Variants in FOXN2 observed in about 807,000 individuals in gnomAD.
FOXN2 encodes forkhead box protein N2.
FOXN2 carries 19 observed loss-of-function variants against 41.2 expected under a neutral mutation model. The observed-to-expected ratio is 0.46, with a 90% confidence interval of 0.32 to 0.68. The LOEUF (loss-of-function observed/expected upper bound fraction) is 0.68, where lower values mean the gene tolerates loss of function less well. Ranked by LOEUF, FOXN2 falls within the 30% of genes least tolerant of loss-of-function variation. FOXN2 has a pLI of 0.03. For synonymous variants in FOXN2, 195 were observed against 176.8 expected, an observed-to-expected ratio of 1.10 and a Z score of -0.82; for missense variants, 587 against 509.4, an observed-to-expected ratio of 1.15 and a Z score of -1.47.
intron 3 of FOXN2, among the ~76,000 whole-genome samples, chr2:48,350,743 C>T (rs1174082666): frequency 1.3e-5 from 2 of 152,152 alleles, no homozygotes; most frequent in East Asian, 1.9e-4. Flanking sequence ...CAGATGGAGG[C>T]CAGTGGAAAA....
At chr2:48,374,833 G>T in intron 6 of FOXN2, 87 bp from the exon 7 acceptor site, 1 of 1,082,584 alleles carries the variant, frequency 9.2e-7, no homozygotes. Flanking sequence ...AACATTTGTT[G>T]CTCAAGAGTA....
intron 1 of FOXN2, among the ~76,000 whole-genome samples, chr2:48,315,226 C>G (rs1291022944): frequency 6.6e-6 from 1 of 152,126 alleles, no homozygotes; most frequent in Non-Finnish European, 1.5e-5. Flanking sequence ...AGGGAAGTAC[C>G]CCAAGCACCT....
chr2:48,336,323 G>C (rs1356880460), intron 2 of FOXN2, among the ~76,000 whole-genome samples: 1 of 151,054 alleles, frequency 6.6e-6, no homozygotes, highest in Non-Finnish European at 1.5e-5. Context: ...CAGGAGAATC[G>C]CTTGAACCTG....
At chr2:48,365,822 A>C (rs1369421810) in intron 5 of FOXN2, among the ~76,000 whole-genome samples, 2 of 152,226 alleles carry the variant, frequency 1.3e-5, no homozygotes, top group African/African-American at 4.8e-5. Context: ...TAAGGGAAGA[A>C]AACATAAAAC....
At chr2:48,355,553 G>A (rs376176412) in intron 3 of FOXN2, among the ~76,000 whole-genome samples, 2 of 151,880 alleles carry the variant, frequency 1.3e-5, no homozygotes. Context: ...AATGCATGTG[G>A]ATTTTTTTTT....
rs1236693894 is a variant in FOXN2, at chr2:48,378,007, C to A, written c.*2564C>A. 6.6e-6 allele frequency: 1 copy of A among 152,020 alleles called. No homozygotes were observed. The highest frequency in any genetic ancestry group is 1.5e-5 in the Non-Finnish European group (1 of 67,900). The allele number at this position is 152,020 out of a possible 1,614,324, so 9.4% of individuals were successfully genotyped here. On this transcript the variant is annotated 3_prime_UTR_variant, in exon 7 of 7. Transcript: ENST00000340553. ...AACTCCAAGGAGGTTACATGTTTTC[C>A]AACATATCCTAAAAACTGTGATATA...
chr2:48,356,766 A>T (rs765891175), intron 3 of FOXN2, among the ~76,000 whole-genome samples: 1 of 152,226 alleles, frequency 6.6e-6, no homozygotes, highest in Non-Finnish European at 1.5e-5. Flanking sequence ...CTCCCAATCT[A>T]GTCTTTACCA....
At chr2:48,364,262 C>G (rs1346727632) in intron 5 of FOXN2, among the ~76,000 whole-genome samples, 1 of 152,132 alleles carries the variant, frequency 6.6e-6, no homozygotes, top group Non-Finnish European at 1.5e-5. Flanking sequence ...GGTTCTCACT[C>G]TGTCACCCAG....
chr2:48,316,027 G>T (rs537574638), intron 1 of FOXN2, among the ~76,000 whole-genome samples: 1 of 152,222 alleles, frequency 6.6e-6, no homozygotes, highest in South Asian at 2.1e-4. Context: ...TGACAGCCAC[G>T]TGGCCGGCTG....
At chr2:48,331,869 A>C (rs1303575549) in intron 2 of FOXN2, among the ~76,000 whole-genome samples, 3 of 151,680 alleles carry the variant, frequency 2.0e-5, no homozygotes, top group Non-Finnish European at 4.4e-5. Flanking sequence ...TTCTGAACTT[A>C]GCTGGATTTT....
intron 3 of FOXN2, among the ~76,000 whole-genome samples, chr2:48,350,012 G>C (rs778940372): frequency 2.6e-5 from 4 of 152,222 alleles, no homozygotes; most frequent in Non-Finnish European, 5.9e-5. Flanking sequence ...CCTCCATCTG[G>C]TGCTCCAGAG....
intron 2 of FOXN2, 140 bp downstream of exon 2, chr2:48,328,842 T>C (rs1299862349): frequency 6.6e-6 from 1 of 152,220 alleles, no homozygotes; most frequent in Admixed American, 6.5e-5. Context: ...GTTTTCTAAG[T>C]CAGATTTACT....
At chr2:48,330,297 A>G (rs1669947372) in intron 2 of FOXN2, among the ~76,000 whole-genome samples, 1 of 152,124 alleles carries the variant, frequency 6.6e-6, no homozygotes, top group Non-Finnish European at 1.5e-5. Context: ...AGGAAAGGAG[A>G]GGAAAATTGA....
intron 1 of FOXN2, among the ~76,000 whole-genome samples, chr2:48,318,925 A>G (rs900451938): frequency 6.6e-6 from 1 of 152,236 alleles, no homozygotes; most frequent in Non-Finnish European, 1.5e-5. Flanking sequence ...TATTAGCATA[A>G]AGTTTAAATA....
At chr2:48,370,271 G>A (rs866206224) in intron 5 of FOXN2, among the ~76,000 whole-genome samples, 3 of 152,166 alleles carry the variant, frequency 2.0e-5, no homozygotes, top group African/African-American at 7.2e-5. Flanking sequence ...TTCTTCAGAC[G>A]TGTTAGAATA....
At chr2:48,357,047 A>C (rs1002097293) in intron 3 of FOXN2, among the ~76,000 whole-genome samples, 1 of 152,196 alleles carries the variant, frequency 6.6e-6, no homozygotes, top group African/African-American at 2.4e-5. Flanking sequence ...ATTAGTTACA[A>C]ATAAGTTTCT....
intron 6 of FOXN2, among the ~76,000 whole-genome samples, chr2:48,373,834 CA>C (rs573175629): frequency 1.9e-4 from 29 of 152,120 alleles, no homozygotes; most frequent in South Asian, 1.2e-3. Flanking sequence ...GCAGGTGGAT[CA>C]CTTGAGACCA....
At chr2:48,313,952 C>T (rs934628966), upstream of FOXN2, among the ~76,000 whole-genome samples, 2 of 152,218 alleles carry the variant, frequency 1.3e-5, no homozygotes, top group Admixed American at 6.5e-5. Context: ...ATGGATATGA[C>T]AATGGATGTG....
rs1672138703 is a variant in FOXN2, at chr2:48,361,017, A to C, written c.639-1626A>C. On this transcript the variant is annotated intron_variant, in intron 4 of 6. Coordinates refer to ENST00000340553, the MANE Select transcript of FOXN2 (RefSeq NM_002158.4). ...TGACAGACTGAGACCCCATCTCAAAAAAAAAAAAAAGATTATATGAAAGAA... is the reference window on the plus strand; with the variant it reads ...TGACAGACTGAGACCCCATCTCAAACAAAAAAAAAAGATTATATGAAAGAA... Among the ~76,000 whole-genome samples, 3 of 151,868 alleles carry C rather than the reference A, an allele frequency of 2.0e-5. 1 individual carries two copies. The South Asian group carries it at 6.2e-4, about 32-fold the overall frequency.
Sources: gnomAD v4.1 joint callset for allele counts (sites outside exome capture counted in the v4.1 genomes callset) on GRCh38, gnomAD v4.1.1 for gene constraint, MANE v1.5 for transcripts, NCBI Gene and HGNC (gene_info 2026-07-23, HGNC 2026-07-21) for gene names.